The following ITPR2 variants were observed in gnomAD, a reference collection of about 807,000 sequenced individuals.
ITPR2 encodes inositol 1,4,5-trisphosphate receptor type 2.
Under a neutral mutation model 317.1 loss-of-function variants are expected in ITPR2, and 207 were observed. The ratio of observed to expected loss-of-function variants is 0.65; its 90% CI spans 0.58 to 0.73. ITPR2 has a LOEUF of 0.73. ITPR2 is among the 30% of genes least tolerant of loss of function. The pLI is 0.00. For missense variants in ITPR2, 2,613 were observed against 3,284.0 expected, an observed-to-expected ratio of 0.80 and a Z score of 4.99; for synonymous variants, 1,156 against 1,149.1, an observed-to-expected ratio of 1.01 and a Z score of -0.12.
intron 2 of ITPR2, among the ~76,000 whole-genome samples, chr12:26,772,538 G>A (rs865875644): frequency 2.8e-4 from 37 of 130,056 alleles, no homozygotes; most frequent in African/African-American, 9.6e-4. Flanking sequence ...TATAATACAT[G>A]TATTATATAT....
At chr12:26,527,188 T>C (rs1272464637) in intron 37 of ITPR2, among the ~76,000 whole-genome samples, 1 of 152,232 alleles carries the variant, frequency 6.6e-6, no homozygotes, top group East Asian at 1.9e-4. Context: ...ACTTAGCAGG[T>C]AGTATAGGGT....
intron 2 of ITPR2, among the ~76,000 whole-genome samples, chr12:26,772,288 G>C (rs1160411969): frequency 6.6e-6 from 1 of 150,862 alleles, no homozygotes; most frequent in Non-Finnish European, 1.5e-5. Flanking sequence ...CAATTAAGAA[G>C]CTTTCCTCAT....
intron 55 of ITPR2, among the ~76,000 whole-genome samples, chr12:26,358,832 T>G (rs1938728002): frequency 6.6e-6 from 1 of 152,164 alleles, no homozygotes; most frequent in Non-Finnish European, 1.5e-5. Context: ...CCACATGAGC[T>G]GTGCTGCTGG....
chr12:26,635,296 A>C (rs190209183), intron 21 of ITPR2, among the ~76,000 whole-genome samples: 1 of 152,242 alleles, frequency 6.6e-6, no homozygotes, highest in African/African-American at 2.4e-5. Flanking sequence ...ATTTAACAGA[A>C]TATTGATTGA....
intron 34 of ITPR2, among the ~76,000 whole-genome samples, chr12:26,567,729 C>G (rs369015163): frequency 2.0e-5 from 3 of 151,134 alleles, no homozygotes; most frequent in African/African-American, 7.3e-5. Context: ...AATACTAATC[C>G]AAAACCAAAA....
At chr12:26,556,140 C>T in intron 36 of ITPR2, 93 bp downstream of exon 36, 2 of 1,223,752 alleles carry the variant, frequency 1.6e-6, no homozygotes, top group Non-Finnish European at 1.1e-6. Context: ...ACTTTGCGGA[C>T]TGTCATTTTA....
In ITPR2 at chr12:26,685,925, A is replaced by AT. The variant is rs533650808; in HGVS notation, c.1148+555dup. ...CCTAATAGAACTCTCCATACCCTCC[A>AT]TTTTTTCTTCAAAGCACTTTTATTA... On this transcript the variant is annotated intron_variant, in intron 11 of 56. Coordinates refer to ENST00000381340, the MANE Select transcript of ITPR2 (RefSeq NM_002223.4). 8.6e-5 allele frequency among the ~76,000 whole-genome samples: 13 copies of AT among 152,008 alleles called. No individual in the cohort carries two copies. In the South Asian group the frequency reaches 2.7e-3, roughly 32 times the overall value.
At chr12:26,648,744 T>A (rs1366624978) in intron 21 of ITPR2, 2 of 152,192 alleles carry the variant, frequency 1.3e-5, no homozygotes, top group Non-Finnish European at 2.9e-5. Context: ...TTTCTTTTTT[T>A]TTCTCTAGGT....
chr12:26,669,543 T>C (rs1339221949), intron 13 of ITPR2, among the ~76,000 whole-genome samples: 2 of 152,094 alleles, frequency 1.3e-5, no homozygotes, highest in African/African-American at 2.4e-5. Flanking sequence ...AAATAATCTA[T>C]AAAATTACCA....
At chr12:26,776,978 A>C (rs912280904) in intron 2 of ITPR2, among the ~76,000 whole-genome samples, 3 of 152,204 alleles carry the variant, frequency 2.0e-5, no homozygotes, top group Non-Finnish European at 2.9e-5. Context: ...CAGAAATCTG[A>C]AAAACAGACA....
chr12:26,808,286 G>A (rs1258351359), intron 1 of ITPR2, among the ~76,000 whole-genome samples: 1 of 152,072 alleles, frequency 6.6e-6, no homozygotes, highest in Non-Finnish European at 1.5e-5. Context: ...AAACCATCCA[G>A]CTTCTATTTT....
Position 26,628,073 on chromosome 12 carries a change from C to T in ITPR2, c.3024G>A (p.Glu1008=). The change falls in exon 23 of 57, where the codon GAG becomes GAA. Residue 1008 remains glutamate, a synonymous_variant. Coordinates refer to ENST00000381340, the MANE Select transcript of ITPR2 (RefSeq NM_002223.4). ...KEFGEDNDNA[E]TSASGSPDTL... is the part of the protein sequence containing the mutation. ...TGTCTGGAGATCCACTGGCAGATGT[C>T]TCCGCATTGTCATTGTCCTCTCCAA... 1.9e-6 allele frequency: 3 copies of T among 1,613,364 alleles called. No individual in the cohort carries two copies. The highest frequency in any genetic ancestry group is 2.5e-6 in the Non-Finnish European group (3 of 1,179,500).
intron 26 of ITPR2, among the ~76,000 whole-genome samples, chr12:26,613,557 T>TAC (rs1403257026): frequency 1.8e-5 from 2 of 111,594 alleles, no homozygotes; most frequent in African/African-American, 7.4e-5. Flanking sequence ...TGCTATATCA[T>TAC]ACACAGACAC....
chr12:26,491,631 G>T (rs924213083), intron 39 of ITPR2, among the ~76,000 whole-genome samples: 4 of 152,026 alleles, frequency 2.6e-5, no homozygotes, highest in Non-Finnish European at 1.5e-5. Context: ...AGTGAGAGCT[G>T]GAAAAGCAGG....
intron 21 of ITPR2, among the ~76,000 whole-genome samples, chr12:26,642,963 T>C (rs1947028029): frequency 6.6e-6 from 1 of 152,146 alleles, no homozygotes; most frequent in Admixed American, 6.5e-5. Flanking sequence ...CCGAAATTCA[T>C]GCATTGAGAT....
chr12:26,364,047 C>T (rs1206943656), intron 55 of ITPR2, among the ~76,000 whole-genome samples: 1 of 152,094 alleles, frequency 6.6e-6, no homozygotes, highest in African/African-American at 2.4e-5. Flanking sequence ...GGCACTCTCC[C>T]GTGGATATTT....
At chr12:26,729,171 A>G (rs1393125229) in intron 2 of ITPR2, among the ~76,000 whole-genome samples, 1 of 152,212 alleles carries the variant, frequency 6.6e-6, no homozygotes, top group African/African-American at 2.4e-5. Flanking sequence ...GACACTTTTC[A>G]AAAGAAAACA....
At chr12:26,514,047 T>C (rs1943428269) in intron 37 of ITPR2, among the ~76,000 whole-genome samples, 1 of 152,246 alleles carries the variant, frequency 6.6e-6, no homozygotes, top group Admixed American at 6.5e-5. Context: ...TAAATCTGTA[T>C]CTTAAGAACA....
At chr12:26,722,636 C>A in intron 4 of ITPR2, 81 bp from the exon 5 acceptor site, 1 of 956,548 alleles carries the variant, frequency 1.0e-6, no homozygotes, top group East Asian at 2.5e-5. Flanking sequence ...ATACATGTAT[C>A]ATATATTCAT....
Sources: allele counts gnomAD v4.1 joint callset (sites outside exome capture counted in the v4.1 genomes callset), GRCh38; gene constraint gnomAD v4.1.1; transcripts MANE v1.5; gene names NCBI Gene and HGNC (gene_info 2026-07-23, HGNC 2026-07-21).